MVB12B: variants seen among roughly 807,000 people sequenced by gnomAD.
MVB12B encodes multivesicular body subunit 12B.
A neutral mutation model predicts 41.6 loss-of-function variants in MVB12B; 16 were observed. That is an observed-to-expected ratio of 0.38 (90% confidence interval 0.26 to 0.58). The LOEUF (loss-of-function observed/expected upper bound fraction) is 0.58. Ranked by LOEUF, MVB12B falls within the 20% of genes least tolerant of loss-of-function variation. MVB12B has a pLI of 0.62. For missense variants in MVB12B, 274 were observed against 380.2 expected (o/e 0.72, Z 2.32); for synonymous variants, 133 against 139.7 (o/e 0.95, Z 0.34).
chr9:126,444,569 A>G (rs1484752212), intron 7 of MVB12B, among the ~76,000 whole-genome samples: 5 of 152,126 alleles, frequency 3.3e-5, no homozygotes, highest in African/African-American at 9.7e-5. Context: ...TCCTCTTGCA[A>G]CAAGGCCTTC....
rs1242453678 is a variant in MVB12B, at chr9:126,381,200, G to A, written c.312+29G>A. 2.0e-6 allele frequency: 3 copies of A among 1,466,240 alleles called. No individual in the cohort carries two copies. The Admixed American group carries it at 5.0e-5, about 25-fold the overall frequency. 90.8% of individuals were successfully genotyped at this position (1,466,240 alleles called of 1,614,324 possible). A position where few individuals can be genotyped will look rare whatever the true frequency, so the allele number is the denominator to read the frequency against. ...AGTCTAGTCGTAGTTTCCATTTGCTGAGTGAGCACAAGTAATTTACATTCC... is the reference window on the plus strand; with the variant it reads ...AGTCTAGTCGTAGTTTCCATTTGCTAAGTGAGCACAAGTAATTTACATTCC... On this transcript the variant is annotated intron_variant, in intron 3 of 9. Coordinates refer to ENST00000361171, the MANE Select transcript of MVB12B (RefSeq NM_033446.3).
rs753710015 is a variant in MVB12B at position 126,498,048 on chromosome 9, G to A, written c.874-5129G>A. 3.3e-4 allele frequency among the ~76,000 whole-genome samples: 50 copies of A among 152,310 alleles called. 1 individual carries two copies. Among genetic ancestry groups the A allele is most frequent in the Admixed American group, 1.2e-3 (19 of 15,306 alleles). Reference sequence around the variant, plus strand: ...CCGGGACTGCAGCGCTTCAGGCCTCGCCATATGACGTGGGCACTGTGCTGG... The same window carrying A: ...CCGGGACTGCAGCGCTTCAGGCCTCACCATATGACGTGGGCACTGTGCTGG... On this transcript the variant is annotated intron_variant, in intron 9 of 9. Coordinates refer to ENST00000361171, the MANE Select transcript of MVB12B (RefSeq NM_033446.3).
intron 7 of MVB12B, among the ~76,000 whole-genome samples, chr9:126,461,737 G>T (rs569533927): frequency 2.0e-5 from 3 of 152,156 alleles, no homozygotes; most frequent in Non-Finnish European, 4.4e-5. Context: ...GAACCCAGGC[G>T]TGGAGGTGGG....
At position 126,456,788 on chromosome 9, in the gene MVB12B, C is replaced by T. The variant is rs147112674; in HGVS notation, c.758-24581C>T. On this transcript the variant is annotated intron_variant, in intron 7 of 9. Transcript: ENST00000361171. Reference sequence around the variant, plus strand: ...TTCTGTGCAAGAGCCATGCTCCCCTCGAGTTTCTTCAGCTGATCTAGTAAT... The same window carrying T: ...TTCTGTGCAAGAGCCATGCTCCCCTTGAGTTTCTTCAGCTGATCTAGTAAT... 5.6e-3 allele frequency among the ~76,000 whole-genome samples: 857 copies of T among 152,274 alleles called. 11 individuals carry two copies. Among genetic ancestry groups the T allele is most frequent in the Middle Eastern group, 0.02 (6 of 294 alleles).
At chr9:126,400,224 T>A (rs1414811039) in intron 6 of MVB12B, among the ~76,000 whole-genome samples, 1 of 152,012 alleles carries the variant, frequency 6.6e-6, no homozygotes, top group Non-Finnish European at 1.5e-5. Flanking sequence ...GGAGAGAAAG[T>A]AGAAGTGTTT....
At chr9:126,348,961 G>C (rs986863694) in intron 2 of MVB12B, among the ~76,000 whole-genome samples, 2 of 152,082 alleles carry the variant, frequency 1.3e-5, no homozygotes, top group African/African-American at 4.8e-5. Flanking sequence ...CAATAAATGA[G>C]GAGAGGATTG....
chr9:126,411,235 G>T (rs938383911), intron 6 of MVB12B, among the ~76,000 whole-genome samples: 1 of 152,146 alleles, frequency 6.6e-6, no homozygotes, highest in Admixed American at 6.5e-5. Flanking sequence ...TAACCATATT[G>T]TCCTTTATGG....
chr9:126,395,578 A>T lies in MVB12B; in HGVS notation c.543A>T (p.Glu181Asp). 1.9e-6 allele frequency: 3 copies of T among 1,614,180 alleles called. No homozygotes were observed. The highest frequency in any genetic ancestry group is 2.5e-6 in the Non-Finnish European group (3 of 1,179,998). The change falls in exon 6 of 10, where the codon GAA becomes GAT. Residue 181 changes from glutamate (E) to aspartate (D), a missense_variant. By Grantham distance (45) the Glu-to-Asp change is conservative. Coordinates refer to ENST00000361171, the MANE Select transcript of MVB12B (RefSeq NM_033446.3). The surrounding 1 kb of genome is among the most constrained non-coding windows in gnomAD (Gnocchi z 4.9). ...AGATTTCTCTTTTTTCCTAAAGGGA[A>T]CTGAACAGCATGGGGATCTGGTATC... ...QAPPQYTFIG[E>D]LNSMGIWYRM...
At chr9:126,414,145 C>A (rs940701230) in intron 6 of MVB12B, among the ~76,000 whole-genome samples, 1 of 152,204 alleles carries the variant, frequency 6.6e-6, no homozygotes, top group African/African-American at 2.4e-5. Context: ...CAACTATTGT[C>A]TCATAATAAA....
intron 7 of MVB12B, among the ~76,000 whole-genome samples, chr9:126,474,782 G>T (rs1250067434): frequency 6.6e-6 from 1 of 152,224 alleles, no homozygotes; most frequent in East Asian, 1.9e-4. Flanking sequence ...GGACAGGATT[G>T]TGCCTTCCTG....
chr9:126,496,539 C>T (rs1347647358), intron 9 of MVB12B, among the ~76,000 whole-genome samples: 1 of 150,638 alleles, frequency 6.6e-6, no homozygotes, highest in African/African-American at 2.5e-5. Context: ...TGAGGCTCCA[C>T]AGCTGCCCTG....
chr9:126,369,515 C>T (rs1318028303), intron 2 of MVB12B, among the ~76,000 whole-genome samples: 1 of 152,238 alleles, frequency 6.6e-6, no homozygotes, highest in African/African-American at 2.4e-5. Context: ...TGCCTCCCTC[C>T]TTTCCAGAGT....
rs1005579761 is a variant in MVB12B at position 126,367,142 on chromosome 9, G to A, written c.205-13922G>A. Among the ~76,000 whole-genome samples, 3 of 151,974 alleles carry A rather than the reference G, an allele frequency of 2.0e-5. No individual in the cohort carries two copies. Among genetic ancestry groups the A allele is most frequent in the African/African-American group, 4.8e-5 (2 of 41,374 alleles). On this transcript the variant is annotated intron_variant, in intron 2 of 9. Coordinates refer to ENST00000361171, the MANE Select transcript of MVB12B (RefSeq NM_033446.3). This position sits in a 1 kb window ranked among gnomAD's most constrained non-coding sequence, Gnocchi z 4.3. The stretch of plus-strand genomic sequence containing the variant: ...ATAAGGTCCTCACAAGTCTTGACGC[G>A]GGTAGTTTCTTCTAAGCAGTCTCTG...
intron 7 of MVB12B, among the ~76,000 whole-genome samples, chr9:126,443,447 T>C (rs1832691599): frequency 2.6e-5 from 4 of 152,192 alleles, no homozygotes; most frequent in Admixed American, 2.6e-4. Flanking sequence ...AGTTTGTTCC[T>C]AGACCAAACA....
chr9:126,465,489 G>A (rs544104187), intron 7 of MVB12B, among the ~76,000 whole-genome samples: 1 of 152,164 alleles, frequency 6.6e-6, no homozygotes, highest in East Asian at 1.9e-4. Context: ...CTCAGATGGG[G>A]GCACAGACTT....
rs1317698792 is a variant in MVB12B, at chr9:126,480,011, G to C, written c.758-1358G>C. Among the ~76,000 whole-genome samples, 1 of 152,084 alleles carries C rather than the reference G, an allele frequency of 6.6e-6. No individual in the cohort carries two copies. Among genetic ancestry groups the C allele is most frequent in the African/African-American group, 2.4e-5 (1 of 41,400 alleles). ...GTTAGGACTGAGAAAGAAAAAATAT[G>C]ACCACTGAAGGTTCCAGAGAAGTCA... On this transcript the variant is annotated intron_variant, in intron 7 of 9. Coordinates refer to ENST00000361171, the MANE Select transcript of MVB12B (RefSeq NM_033446.3). This position sits in a 1 kb window ranked among gnomAD's most constrained non-coding sequence, Gnocchi z 4.9.
chr9:126,491,087 G>T (rs1205778350), intron 9 of MVB12B, among the ~76,000 whole-genome samples: 2 of 152,150 alleles, frequency 1.3e-5, no homozygotes, highest in African/African-American at 4.8e-5. Flanking sequence ...TGAAAAATGG[G>T]GCTTATTGCT....
chr9:126,452,254 G>A (rs1010804544), intron 7 of MVB12B, among the ~76,000 whole-genome samples: 1 of 152,216 alleles, frequency 6.6e-6, no homozygotes, highest in East Asian at 1.9e-4. Context: ...TGGTGTTCAC[G>A]TGGAGGCCAT....
At chr9:126,390,201 G>C (rs1175087992) in intron 4 of MVB12B, among the ~76,000 whole-genome samples, 1 of 152,238 alleles carries the variant, frequency 6.6e-6, no homozygotes, top group Non-Finnish European at 1.5e-5. Context: ...AATAATGACG[G>C]TAAGATCCCA....
Sources: allele counts gnomAD v4.1 joint callset (sites outside exome capture counted in the v4.1 genomes callset), GRCh38; gene constraint gnomAD v4.1.1; non-coding constraint Gnocchi (gnomAD v3.1); transcripts MANE v1.5; gene names NCBI Gene and HGNC (gene_info 2026-07-23, HGNC 2026-07-21).